Variants in DARS2 observed in about 807,000 individuals in gnomAD.
DARS2 encodes the protein aspartyl-tRNA synthetase 2, mitochondrial, also known as aspartate--tRNA ligase, mitochondrial.
In DARS2, 63 loss-of-function variants were observed where a neutral mutation model predicts 83.0. That is an observed-to-expected ratio of 0.76 (90% CI 0.62 to 0.94). The LOEUF (loss-of-function observed/expected upper bound fraction) is 0.94, where lower values mean the gene tolerates loss of function less well. DARS2 is among the 40% of genes least tolerant of loss of function. The pLI, the probability that DARS2 is intolerant of heterozygous loss-of-function variation, is 0.00. For synonymous variants in DARS2, 250 were observed against 269.3 expected, an observed-to-expected ratio of 0.93 and a Z score of 0.70; for missense variants, 675 against 774.4, an observed-to-expected ratio of 0.87 and a Z score of 1.52.
intron 13 of DARS2, chr1:173,852,435 T>G (rs1653708193): frequency 5.3e-6 from 1 of 187,826 alleles, no homozygotes; most frequent in Non-Finnish European, 9.9e-6. Flanking sequence ...GTCACACAGC[T>G]AGGAAGTGGA....
intron 11 of DARS2, among the ~76,000 whole-genome samples, chr1:173,841,708 A>T (rs1653218935): frequency 6.6e-6 from 1 of 152,194 alleles, no homozygotes; most frequent in African/African-American, 2.4e-5. Context: ...TTGAGGTCCA[A>T]GGATCACTTG....
At chr1:173,856,118 C>G (rs1172600749) in intron 15 of DARS2, among the ~76,000 whole-genome samples, 2 of 152,320 alleles carry the variant, frequency 1.3e-5, no homozygotes, top group African/African-American at 4.8e-5. Flanking sequence ...GCTTTGGCCT[C>G]TGTTTGTTTG....
In DARS2 at chr1:173,834,490, A is replaced by G. The variant is rs777336455; in HGVS notation, c.634A>G (p.Thr212Ala). The G allele has an allele frequency of 6.2e-7, 1 of 1,607,352 alleles. No individual in the cohort carries two copies. Among genetic ancestry groups the G allele is most frequent in the Non-Finnish European group, 8.5e-7 (1 of 1,174,270 alleles). Residue 212 changes from threonine to alanine, a missense_variant, in exon 7 of 17, where the codon ACC (threonine) becomes GCC (alanine). By Grantham distance (58) the Thr-to-Ala change is moderately conservative. Transcript: ENST00000649689. ...CTTTTTAGGGTTTGTGGATATAGAAACCCCCACATTGTTTAAGAGGACCCC... is the reference window on the plus strand; with the variant it reads ...CTTTTTAGGGTTTGTGGATATAGAAGCCCCCACATTGTTTAAGAGGACCCC... Reference protein sequence around the residue: ...CNLHGFVDIETPTLFKRTPGG... With the variant: ...CNLHGFVDIEAPTLFKRTPGG...
intron 13 of DARS2, 118 bp from the exon 14 acceptor site, chr1:173,853,231 T>G (rs1653739026): frequency 2.1e-6 from 2 of 950,542 alleles, no homozygotes; most frequent in Non-Finnish European, 3.4e-6. Context: ...AAGGGCATCC[T>G]ATCTGTTAAT....
chr1:173,857,800 A>C lies in DARS2; in HGVS notation c.*95A>C. On this transcript the variant is annotated 3_prime_UTR_variant, in exon 17 of 17. Coordinates refer to ENST00000649689, the MANE Select transcript of DARS2 (RefSeq NM_018122.5). ...GATCTAGAGTTCTGCCACAGGTCTA[A>C]CAATCAAGTCTTTAGATGGAAGGAA... 1 of 1,330,950 alleles carries C rather than the reference A, an allele frequency of 7.5e-7. No individual in the cohort carries two copies. Among genetic ancestry groups the C allele is most frequent in the East Asian group, 2.4e-5 (1 of 42,244 alleles). The allele number at this position is 1,330,950 out of a possible 1,614,324, so 82.4% of individuals were successfully genotyped here.
chr1:173,845,527 G>A (rs1272710887), intron 12 of DARS2, among the ~76,000 whole-genome samples: 1 of 152,070 alleles, frequency 6.6e-6, no homozygotes, highest in Non-Finnish European at 1.5e-5. Context: ...GATTTCTTAG[G>A]CTCAAGCAAT....
At chr1:173,829,765 CG>C (rs1557854283) in intron 3 of DARS2, among the ~76,000 whole-genome samples, 2 of 151,930 alleles carry the variant, frequency 1.3e-5, no homozygotes, top group Non-Finnish European at 2.9e-5. Context: ...AAAATTTAGC[CG>C]GGTGTGGTGG....
chr1:173,830,840 T>G, intron 4 of DARS2, 79 bp downstream of exon 4: 1 of 1,042,142 alleles, frequency 9.6e-7, no homozygotes, highest in Non-Finnish European at 1.5e-6. Flanking sequence ...TGGCAACACA[T>G]GACTGGACAT....
intron 15 of DARS2, among the ~76,000 whole-genome samples, chr1:173,856,305 C>T (rs1653859540): frequency 6.6e-6 from 1 of 152,196 alleles, no homozygotes; most frequent in Admixed American, 6.5e-5. Flanking sequence ...ATGTTGCCCA[C>T]TTAGTAATGC....
intron 2 of DARS2, among the ~76,000 whole-genome samples, chr1:173,827,715 G>C (rs1652638233): frequency 6.6e-6 from 1 of 152,170 alleles, no homozygotes; most frequent in Non-Finnish European, 1.5e-5. Flanking sequence ...AATCTGAAGA[G>C]GGTTTCTGTA....
intron 12 of DARS2, among the ~76,000 whole-genome samples, chr1:173,849,154 CTTT>C (rs75129689): frequency 1.5e-5 from 2 of 133,700 alleles, no homozygotes; most frequent in Non-Finnish European, 1.6e-5. Flanking sequence ...TTATCTTGGT[CTTT>C]TTTTTTTTTT....
intron 15 of DARS2, among the ~76,000 whole-genome samples, chr1:173,855,900 A>T (rs1653843821): frequency 6.6e-6 from 1 of 150,898 alleles, no homozygotes; most frequent in Non-Finnish European, 1.5e-5. Context: ...ATCTCAGGTG[A>T]TCTGCCTGCA....
chr1:173,840,797 G>GTT (rs1653174607), intron 10 of DARS2, 69 bp from the exon 11 acceptor site: 1 of 863,850 alleles, frequency 1.2e-6, no homozygotes, highest in South Asian at 1.4e-5. Flanking sequence ...TTAAAATCTT[G>GTT]TTTGTAAAAT....
chr1:173,846,106 C>A (rs1009711244), intron 12 of DARS2, among the ~76,000 whole-genome samples: 1 of 150,636 alleles, frequency 6.6e-6, no homozygotes, highest in Non-Finnish European at 1.5e-5. Context: ...TGCAGTGAGC[C>A]GAGATTGTGC....
At chr1:173,830,560 G>C in intron 3 of DARS2, 100 bp from the exon 4 acceptor site, 1 of 960,556 alleles carries the variant, frequency 1.0e-6, no homozygotes, top group Non-Finnish European at 1.7e-6. Context: ...TGGTAATTAA[G>C]CTGTGACTAT....
intron 2 of DARS2, among the ~76,000 whole-genome samples, chr1:173,827,425 C>T (rs1381102539): frequency 1.3e-5 from 2 of 151,950 alleles, no homozygotes; most frequent in Non-Finnish European, 2.9e-5. Context: ...GTTAGGAGTT[C>T]GAGACCAGCC....
chr1:173,851,643 T>C (rs1653672655), intron 13 of DARS2, among the ~76,000 whole-genome samples: 1 of 152,166 alleles, frequency 6.6e-6, no homozygotes, highest in African/African-American at 2.4e-5. Context: ...TTAGGGATCT[T>C]TGTAAAATAT....
At chr1:173,826,014 A>G (rs1173531181) in intron 1 of DARS2, among the ~76,000 whole-genome samples, 1 of 151,138 alleles carries the variant, frequency 6.6e-6, no homozygotes, top group Non-Finnish European at 1.5e-5. Context: ...CGAGGTCAGG[A>G]GATCGAGACC....
At chr1:173,845,727 C>T (rs768647145) in intron 12 of DARS2, among the ~76,000 whole-genome samples, 14 of 151,904 alleles carry the variant, frequency 9.2e-5, no homozygotes, top group Non-Finnish European at 2.1e-4. Context: ...GATTCCATCT[C>T]GAAAAAAAAT....
Sources: gnomAD v4.1 joint callset for allele counts (sites outside exome capture counted in the v4.1 genomes callset) on GRCh38, gnomAD v4.1.1 for gene constraint, MANE v1.5 for transcripts, NCBI Gene and HGNC (gene_info 2026-07-23, HGNC 2026-07-21) for gene names.